The following THAP5 variants were observed in gnomAD, a reference collection of about 807,000 sequenced individuals.
THAP5 encodes the protein THAP domain-containing protein 5.
THAP5 carries 26 observed loss-of-function variants against 34.0 expected under a neutral mutation model. That is an observed-to-expected ratio of 0.77 (90% CI 0.56 to 1.06). THAP5 has a LOEUF of 1.06. Among genes scored for constraint, THAP5 ranks in the 50% least tolerant of loss-of-function variants. The pLI is 0.00. For synonymous variants in THAP5, 125 were observed against 153.0 expected, an observed-to-expected ratio of 0.82 and a Z score of 1.35; for missense variants, 394 against 452.8, an observed-to-expected ratio of 0.87 and a Z score of 1.18.
downstream of THAP5, among the ~76,000 whole-genome samples, chr7:108,560,313 C>A (rs1406724886): frequency 6.6e-6 from 1 of 152,204 alleles, no homozygotes; most frequent in Non-Finnish European, 1.5e-5. Flanking sequence ...TGCTTGCTCA[C>A]CCACAGCCTC....
rs774788952 is a variant in THAP5, at chr7:108,569,482, CA to C, written c.80+7del. ...GAGGCTGACGCTTCTGCTCCAGAAACAACTTACGGATAAAAACTCAGCTTCC... is the reference window on the plus strand; with the variant it reads ...GAGGCTGACGCTTCTGCTCCAGAAACACTTACGGATAAAAACTCAGCTTCC... On this transcript the variant is annotated splice_region_variant and intron_variant, in intron 1 of 2. Coordinates refer to ENST00000415914, the MANE Select transcript of THAP5 (RefSeq NM_001130475.3). 3.2e-5 allele frequency: 50 copies of C among 1,551,624 alleles called. No homozygotes were observed. The African/African-American group carries it at 6.6e-4, about 20-fold the overall frequency.
intron 1 of THAP5, among the ~76,000 whole-genome samples, chr7:108,556,128 T>C (rs1864384286): frequency 6.6e-6 from 1 of 152,122 alleles, no homozygotes; most frequent in East Asian, 1.9e-4. Context: ...CACCCCATGA[T>C]TCAATCACCT....
chr7:108,558,185 G>C (rs905480935), downstream of THAP5, among the ~76,000 whole-genome samples: 8 of 151,488 alleles, frequency 5.3e-5, no homozygotes, highest in African/African-American at 1.9e-4. Flanking sequence ...ATGAGATTTG[G>C]GTGGAGTCAG....
rs1864440905 is a variant in THAP5 at position 108,562,180 on chromosome 7, T to C, written c.*2011A>G. ...AAAGAAATAAAGCTAGTTTAAATTT[T>C]TTCTGAGGAACCTGTAACTTTCAGA... On this transcript the variant is annotated 3_prime_UTR_variant, in exon 3 of 3. Coordinates refer to ENST00000415914, the MANE Select transcript of THAP5 (RefSeq NM_001130475.3). 1 of 152,258 alleles carries C rather than the reference T, an allele frequency of 6.6e-6. No individual in the cohort carries two copies. The highest frequency in any genetic ancestry group is 6.5e-5 in the Admixed American group (1 of 15,290). 9.4% of individuals were successfully genotyped at this position (152,258 alleles called of 1,614,324 possible).
At chr7:108,553,672 A>G (rs1347145464), downstream of THAP5, among the ~76,000 whole-genome samples, 1 of 152,200 alleles carries the variant, frequency 6.6e-6, no homozygotes, top group Non-Finnish European at 1.5e-5. Flanking sequence ...GCTCTCAGAC[A>G]TAGGGTAATT....
intron 1 of THAP5, chr7:108,568,591 G>C (rs544488157): frequency 6.5e-6 from 1 of 154,802 alleles, no homozygotes; most frequent in South Asian, 2.0e-4. Flanking sequence ...AAAGTAAAAT[G>C]AGCACAAAAC....
the THAP5 span, among the ~76,000 whole-genome samples, chr7:108,548,372 T>A: frequency 6.6e-6 from 1 of 152,092 alleles, no homozygotes; most frequent in Non-Finnish European, 1.5e-5. Flanking sequence ...GCTTATACTT[T>A]GGGGATAAAA....
chr7:108,569,164 T>C (rs1156415534), intron 1 of THAP5: 3 of 1,171,544 alleles, frequency 2.6e-6, no homozygotes, highest in African/African-American at 3.1e-5. Context: ...GTATCTTAAA[T>C]GGTGGTTAAT....
chr7:108,547,387 T>C, the THAP5 span, among the ~76,000 whole-genome samples: 1 of 152,200 alleles, frequency 6.6e-6, no homozygotes, highest in Non-Finnish European at 1.5e-5. Context: ...CCACACATCT[T>C]TATTAATGGA....
At chr7:108,552,906 A>G (rs1367317468), downstream of THAP5, among the ~76,000 whole-genome samples, 3 of 152,292 alleles carry the variant, frequency 2.0e-5, no homozygotes, top group African/African-American at 7.2e-5. Context: ...AATTACATAA[A>G]CTCTTCATAC....
At chr7:108,560,803 C>T (rs1034417486), downstream of THAP5, among the ~76,000 whole-genome samples, 2 of 152,122 alleles carry the variant, frequency 1.3e-5, no homozygotes, top group Admixed American at 6.5e-5. Flanking sequence ...TGCAGTGGCG[C>T]AGTCATGGCT....
chr7:108,560,957 C>T (rs1326273850), downstream of THAP5, among the ~76,000 whole-genome samples: 1 of 151,872 alleles, frequency 6.6e-6, no homozygotes, highest in Non-Finnish European at 1.5e-5. Flanking sequence ...TGGTCTCAAA[C>T]TCTTGGCCTC....
chr7:108,555,168 ATT>A (rs35410470), intron 1 of THAP5, among the ~76,000 whole-genome samples: 67 of 146,708 alleles, frequency 4.6e-4, no homozygotes, highest in East Asian at 1.0e-3. Flanking sequence ...TACAAACAAC[ATT>A]TTTTTTTTTT....
chr7:108,555,629 G>A (rs977810729), intron 1 of THAP5, among the ~76,000 whole-genome samples: 3 of 151,992 alleles, frequency 2.0e-5, no homozygotes, highest in African/African-American at 7.2e-5. Flanking sequence ...GTCTGTATAG[G>A]AAGCATGGTT....
chr7:108,564,503 T>C lies in THAP5; in HGVS notation c.876A>G (p.Gln292=). 1 of 1,613,976 alleles carries C rather than the reference T, an allele frequency of 6.2e-7. No individual in the cohort carries two copies. Residue 292 remains glutamine (Q), a synonymous_variant, in exon 3 of 3, where the codon CAA becomes CAG. Coordinates refer to ENST00000415914, the MANE Select transcript of THAP5 (RefSeq NM_001130475.3). ...KPSVNSFISA[Q]KETTEMEDTD... is the part of the protein sequence containing the mutation. ...TGTCTTCCATTTCCGTGGTTTCTTT[T>C]TGTGCAGATATAAAAGAATTAACTG...
chr7:108,546,441 G>C, the THAP5 span, among the ~76,000 whole-genome samples: 3 of 152,322 alleles, frequency 2.0e-5, no homozygotes, highest in Non-Finnish European at 4.4e-5. Context: ...TGGTTCTTCA[G>C]TGATACATAG....
chr7:108,552,888 A>G (rs1198298146), downstream of THAP5, among the ~76,000 whole-genome samples: 2 of 152,232 alleles, frequency 1.3e-5, no homozygotes, highest in African/African-American at 4.8e-5. Flanking sequence ...TTGCTATCTC[A>G]AATGGCAAAT....
At chr7:108,559,242 A>G (rs1864409660), downstream of THAP5, among the ~76,000 whole-genome samples, 1 of 152,212 alleles carries the variant, frequency 6.6e-6, no homozygotes, top group Non-Finnish European at 1.5e-5. Flanking sequence ...GACATAGGGT[A>G]TGGGAGCTAG....
Position 108,564,647 on chromosome 7 carries a change from T to TA in THAP5, c.731dup (p.Ser246ValfsTer13). On this transcript the variant is annotated frameshift_variant, in exon 3 of 3. Transcript: ENST00000415914. LOFTEE classifies it high-confidence loss of function. ...AGAATGGATTTTCCTGTGCTGACTT[T>TA]ATTTCCATGGAATTACTTGTAAAGT... 1 of 1,613,836 alleles carries TA rather than the reference T, an allele frequency of 6.2e-7. No homozygotes were observed. The highest frequency in any genetic ancestry group is 8.5e-7 in the Non-Finnish European group (1 of 1,179,770).
Sources: allele counts gnomAD v4.1 joint callset (sites outside exome capture counted in the v4.1 genomes callset), GRCh38; gene constraint gnomAD v4.1.1; transcripts MANE v1.5; gene names NCBI Gene and HGNC (gene_info 2026-07-23, HGNC 2026-07-21).